Variants in MUSK observed in about 807,000 individuals in gnomAD.
MUSK encodes the protein muscle associated receptor tyrosine kinase, also known as muscle, skeletal receptor tyrosine-protein kinase.
In MUSK, 55 loss-of-function variants were observed where a neutral mutation model predicts 88.7. The observed-to-expected ratio is 0.62, with a 90% CI of 0.50 to 0.78. The LOEUF (loss-of-function observed/expected upper bound fraction) is 0.78, where lower values mean the gene tolerates loss of function less well. Ranked by LOEUF, MUSK falls within the 30% of genes least tolerant of loss-of-function variation. MUSK has a pLI of 0.00. For missense variants in MUSK, 1,015 were observed against 1,074.3 expected (o/e 0.94, Z 0.77); for synonymous variants, 387 against 391.9 (o/e 0.99, Z 0.15).
At chr9:110,739,556 C>T (rs2077071607) in intron 6 of MUSK, among the ~76,000 whole-genome samples, 1 of 152,062 alleles carries the variant, frequency 6.6e-6, no homozygotes, top group African/African-American at 2.4e-5. Flanking sequence ...CCAGCATTGC[C>T]CAAAATCTCA....
intron 12 of MUSK, 27 bp downstream of exon 12, chr9:110,785,043 G>A (rs539112145): frequency 1.5e-5 from 23 of 1,585,728 alleles, no homozygotes; most frequent in African/African-American, 1.1e-4. Context: ...AGCTAACCAT[G>A]TGTAGTAATA....
chr9:110,721,098 T>C (rs1012459643), intron 5 of MUSK, among the ~76,000 whole-genome samples: 2 of 152,038 alleles, frequency 1.3e-5, no homozygotes, highest in African/African-American at 4.8e-5. Flanking sequence ...CTTAAGGTAA[T>C]AAAAGCCATC....
intron 3 of MUSK, among the ~76,000 whole-genome samples, chr9:110,694,400 A>AAC (rs1554737773): frequency 2.4e-4 from 31 of 130,436 alleles, no homozygotes; most frequent in Admixed American, 3.8e-4. Flanking sequence ...AAAAAAAAAA[A>AAC]AAAAAACAAA....
intron 11 of MUSK, among the ~76,000 whole-genome samples, chr9:110,778,748 C>T (rs953856231): frequency 8.5e-5 from 13 of 152,114 alleles, no homozygotes; most frequent in African/African-American, 2.6e-4. Context: ...ATACCTGATG[C>T]ATTTCTGTTA....
rs1432624604 is a variant in MUSK, at chr9:110,701,666, T to A, written c.628+4200T>A. 3.1e-4 allele frequency among the ~76,000 whole-genome samples: 8 copies of A among 26,120 alleles called. 4 individuals carry two copies. The highest frequency in any genetic ancestry group is 1.4e-3 in the South Asian group (2 of 1,414). 17.1% of individuals were successfully genotyped at this position (26,120 alleles called of 152,430 possible). On this transcript the variant is annotated intron_variant, in intron 5 of 14. Coordinates refer to ENST00000374448, the MANE Select transcript of MUSK (RefSeq NM_005592.4). Reference sequence around the variant, plus strand: ...TGTGCTCAGCTATTTATTTTATTTATTTTATTTTATTTTTTTTACTTTACT... The same window carrying A: ...TGTGCTCAGCTATTTATTTTATTTAATTTATTTTATTTTTTTTACTTTACT...
At chr9:110,710,871 G>A (rs2076659848) in intron 5 of MUSK, among the ~76,000 whole-genome samples, 1 of 152,148 alleles carries the variant, frequency 6.6e-6, no homozygotes, top group Non-Finnish European at 1.5e-5. Context: ...AGCACTCACT[G>A]CTCCCAAGTA....
chr9:110,677,287 C>T (rs958869414), intron 1 of MUSK, among the ~76,000 whole-genome samples: 2 of 152,238 alleles, frequency 1.3e-5, no homozygotes, highest in African/African-American at 4.8e-5. Context: ...GTTTCCACTT[C>T]CTTATCACAA....
At chr9:110,719,772 A>G (rs2076787000) in intron 5 of MUSK, among the ~76,000 whole-genome samples, 2 of 152,260 alleles carry the variant, frequency 1.3e-5, no homozygotes, top group African/African-American at 4.8e-5. Context: ...ATTCTACCCA[A>G]CAAATGCAGA....
chr9:110,699,808 C>G (rs545674193), intron 5 of MUSK, among the ~76,000 whole-genome samples: 1 of 152,048 alleles, frequency 6.6e-6, no homozygotes, highest in Non-Finnish European at 1.5e-5. Context: ...GTGACTATAT[C>G]GAATCAGAAC....
chr9:110,767,790 A>T, intron 8 of MUSK, 30 bp from the exon 9 acceptor site: 1 of 1,613,754 alleles, frequency 6.2e-7, no homozygotes, highest in Non-Finnish European at 8.5e-7. Context: ...ATAGCATGTG[A>T]TTAGAAATGT....
At chr9:110,763,210 AAAATT>A (rs2077427131) in intron 8 of MUSK, among the ~76,000 whole-genome samples, 1 of 152,230 alleles carries the variant, frequency 6.6e-6, no homozygotes, top group Non-Finnish European at 1.5e-5. Flanking sequence ...CATTATATGA[AAAATT>A]AAACTAGTTT....
chr9:110,758,834 C>A (rs547899374), intron 7 of MUSK, among the ~76,000 whole-genome samples: 11 of 152,058 alleles, frequency 7.2e-5, no homozygotes, highest in Non-Finnish European at 1.0e-4. Flanking sequence ...GAATAAATAC[C>A]GAGGAATACA....
chr9:110,687,328 T>G, intron 3 of MUSK, 60 bp downstream of exon 3: 1 of 1,593,834 alleles, frequency 6.3e-7, no homozygotes, highest in Non-Finnish European at 8.6e-7. Context: ...CTTAGTTTTG[T>G]ATTTATTTTT....
chr9:110,733,814 G>A (rs906516410), intron 5 of MUSK, among the ~76,000 whole-genome samples: 7 of 151,972 alleles, frequency 4.6e-5, no homozygotes, highest in African/African-American at 1.7e-4. Context: ...AAATAAATAA[G>A]GTAATTTCAG....
At chr9:110,713,238 G>T (rs1159514693) in intron 5 of MUSK, among the ~76,000 whole-genome samples, 2 of 150,544 alleles carry the variant, frequency 1.3e-5, no homozygotes, top group African/African-American at 4.9e-5. Flanking sequence ...CATCTTCTTG[G>T]TATCTTCTCT....
rs2077688839 is a variant in MUSK at position 110,777,505 on chromosome 9, G to A, written c.1384+850G>A. Among the ~76,000 whole-genome samples the A allele has an allele frequency of 2.0e-5, 3 of 151,938 alleles. No homozygotes were observed. The South Asian group carries it at 6.2e-4, about 32-fold the overall frequency. On this transcript the variant is annotated intron_variant, in intron 11 of 14. Coordinates refer to ENST00000374448, the MANE Select transcript of MUSK (RefSeq NM_005592.4). The stretch of plus-strand genomic sequence containing the variant: ...AGAGGTATTAAACAAGAAGAGTTAT[G>A]GAAACCTTAAAAATCTATTATTCTG...
At chr9:110,674,368 GT>G (rs2075997912) in intron 1 of MUSK, among the ~76,000 whole-genome samples, 1 of 152,082 alleles carries the variant, frequency 6.6e-6, no homozygotes, top group Non-Finnish European at 1.5e-5. Context: ...ATACAACTTA[GT>G]TTTTAATAAT....
rs1250166542 is a variant in MUSK, at chr9:110,803,938, AC to A, written c.*2952del. Among the ~76,000 whole-genome samples, 3 of 152,336 alleles carry A rather than the reference AC, an allele frequency of 2.0e-5. No individual in the cohort carries two copies. In the East Asian group the frequency reaches 5.8e-4, roughly 29 times the overall value. Reference sequence around the variant, plus strand: ...GTGCCAGGACAGATATCAGTAAGGCACCAGCAGTCATTTTTAGTGATCAAAT... The same window carrying A: ...GTGCCAGGACAGATATCAGTAAGGCACAGCAGTCATTTTTAGTGATCAAAT... On this transcript the variant is annotated 3_prime_UTR_variant, in exon 15 of 15. Transcript: ENST00000374448.
rs527574468 is a variant in MUSK at position 110,804,060 on chromosome 9, C to T, written c.*3072C>T. The stretch of plus-strand genomic sequence containing the variant: ...GAGCAGAAAAAGAACACTTTCTTTT[C>T]ATTTTACAGTATATTACGAACCTGT... On this transcript the variant is annotated 3_prime_UTR_variant, in exon 15 of 15. Coordinates refer to ENST00000374448, the MANE Select transcript of MUSK (RefSeq NM_005592.4). 1.7e-4 allele frequency among the ~76,000 whole-genome samples: 26 copies of T among 152,246 alleles called. No homozygotes were observed. The highest frequency in any genetic ancestry group is 5.3e-4 in the African/African-American group (22 of 41,558).
Sources: allele counts gnomAD v4.1 joint callset (sites outside exome capture counted in the v4.1 genomes callset), GRCh38; gene constraint gnomAD v4.1.1; transcripts MANE v1.5; gene names NCBI Gene and HGNC (gene_info 2026-07-23, HGNC 2026-07-21).